SLC2A13: variants seen among roughly 807,000 people sequenced by gnomAD.
SLC2A13 encodes the protein solute carrier family 2 member 13.
Under a neutral mutation model 64.4 loss-of-function variants are expected in SLC2A13, and 32 were observed. The observed-to-expected ratio is 0.50, with a 90% confidence interval of 0.37 to 0.67. The LOEUF (loss-of-function observed/expected upper bound fraction) is 0.67. Among genes scored for constraint, SLC2A13 ranks in the 30% least tolerant of loss-of-function variants. The pLI is 0.00. For synonymous variants in SLC2A13, 338 were observed against 327.1 expected, an observed-to-expected ratio of 1.03 and a Z score of -0.36; for missense variants, 743 against 829.2, an observed-to-expected ratio of 0.90 and a Z score of 1.28.
At chr12:40,071,175 G>A (rs757128003) in intron 1 of SLC2A13, among the ~76,000 whole-genome samples, 15 of 152,062 alleles carry the variant, frequency 9.9e-5, no homozygotes, top group Non-Finnish European at 1.9e-4. Context: ...ACTGATCTAC[G>A]CGTGTCTATT....
At chr12:40,029,210 CCCT>C in intron 2 of SLC2A13, among the ~76,000 whole-genome samples, 1 of 152,072 alleles carries the variant, frequency 6.6e-6, no homozygotes, top group East Asian at 1.9e-4. Flanking sequence ...CATTTTAACT[CCCT>C]CCAAGAAATA....
At chr12:40,064,356 C>T (rs1013427034) in intron 1 of SLC2A13, among the ~76,000 whole-genome samples, 2 of 151,894 alleles carry the variant, frequency 1.3e-5, no homozygotes, top group Non-Finnish European at 2.9e-5. Context: ...AGAAAGTGGA[C>T]TTAACTTTTT....
At chr12:39,860,984 G>C (rs1219019796) in intron 6 of SLC2A13, among the ~76,000 whole-genome samples, 1 of 152,138 alleles carries the variant, frequency 6.6e-6, no homozygotes, top group East Asian at 1.9e-4. Context: ...AAACCTCTGA[G>C]GCTCTACATG....
intron 3 of SLC2A13, among the ~76,000 whole-genome samples, chr12:39,980,678 T>A (rs1426534000): frequency 6.6e-6 from 1 of 150,946 alleles, no homozygotes; most frequent in Non-Finnish European, 1.5e-5. Flanking sequence ...ATAAAGCAAG[T>A]CCTGAGTGAC....
chr12:39,867,480 A>T (rs1299070298), intron 5 of SLC2A13, among the ~76,000 whole-genome samples: 1 of 152,168 alleles, frequency 6.6e-6, no homozygotes, highest in Admixed American at 6.5e-5. Flanking sequence ...AAAAACAAAA[A>T]AAAAACTGTT....
intron 9 of SLC2A13, among the ~76,000 whole-genome samples, chr12:39,761,460 A>G (rs1375998206): frequency 6.6e-6 from 1 of 152,098 alleles, no homozygotes; most frequent in East Asian, 1.9e-4. Context: ...AATTCTGAAT[A>G]TCAGTTGCTC....
At chr12:39,790,294 T>C (rs1448185088) in intron 7 of SLC2A13, among the ~76,000 whole-genome samples, 1 of 151,572 alleles carries the variant, frequency 6.6e-6, no homozygotes, top group East Asian at 1.9e-4. Context: ...TATGTATACA[T>C]GTGCTGTGCT....
At chr12:39,951,646 G>A (rs935176829) in intron 3 of SLC2A13, among the ~76,000 whole-genome samples, 1 of 152,196 alleles carries the variant, frequency 6.6e-6, no homozygotes, top group Non-Finnish European at 1.5e-5. Context: ...AACTAAAACT[G>A]TCAAATTAGT....
At chr12:39,902,287 A>G (rs1343026548) in intron 4 of SLC2A13, among the ~76,000 whole-genome samples, 1 of 151,962 alleles carries the variant, frequency 6.6e-6, no homozygotes, top group Non-Finnish European at 1.5e-5. Context: ...ACATGTATAC[A>G]TATGTAACTA....
intron 1 of SLC2A13, among the ~76,000 whole-genome samples, chr12:40,101,838 T>G (rs958119815): frequency 2.6e-5 from 4 of 151,998 alleles, no homozygotes; most frequent in African/African-American, 9.7e-5. Flanking sequence ...TTTTTTTTTT[T>G]AATCCTGTCT....
chr12:40,034,039 A>G (rs548954515), intron 2 of SLC2A13, among the ~76,000 whole-genome samples: 2 of 152,294 alleles, frequency 1.3e-5, no homozygotes, highest in African/African-American at 4.8e-5. Context: ...AAAGTTGCCA[A>G]TGCCTTACAC....
intron 3 of SLC2A13, among the ~76,000 whole-genome samples, chr12:40,011,659 C>A (rs957160625): frequency 6.6e-6 from 1 of 152,146 alleles, no homozygotes; most frequent in African/African-American, 2.4e-5. Flanking sequence ...CTCCCCGTCT[C>A]CTCCCTCTAG....
chr12:40,088,162 C>T (rs1938646509), intron 1 of SLC2A13, among the ~76,000 whole-genome samples: 1 of 152,082 alleles, frequency 6.6e-6, no homozygotes, highest in Admixed American at 6.5e-5. Context: ...TTCTTTAAGA[C>T]ATAAAGCTCA....
chr12:39,772,403 C>T (rs1181291015), intron 7 of SLC2A13, among the ~76,000 whole-genome samples: 3 of 152,152 alleles, frequency 2.0e-5, no homozygotes, highest in African/African-American at 7.2e-5. Flanking sequence ...GAATAATCAC[C>T]GTGCTATTTT....
intron 7 of SLC2A13, among the ~76,000 whole-genome samples, chr12:39,811,497 A>G (rs1244349255): frequency 2.6e-5 from 4 of 152,104 alleles, no homozygotes; most frequent in Non-Finnish European, 4.4e-5. Flanking sequence ...CGTTCTTGAT[A>G]TGTTATAATT....
chr12:40,021,302 C>T (rs1486506303), intron 3 of SLC2A13, among the ~76,000 whole-genome samples: 1 of 152,098 alleles, frequency 6.6e-6, no homozygotes, highest in African/African-American at 2.4e-5. Flanking sequence ...AAGAATGATT[C>T]CAATTCTGCA....
chr12:39,896,748 T>C (rs974567400), intron 4 of SLC2A13, among the ~76,000 whole-genome samples: 2 of 152,002 alleles, frequency 1.3e-5, no homozygotes, highest in Non-Finnish European at 2.9e-5. Flanking sequence ...ATCTTGCAGT[T>C]TCTATTATAT....
intron 7 of SLC2A13, among the ~76,000 whole-genome samples, chr12:39,826,260 T>G (rs1463513375): frequency 5.3e-5 from 8 of 151,954 alleles, no homozygotes; most frequent in Non-Finnish European, 1.0e-4. Context: ...TTGTTTTTGT[T>G]TTTTTGACTT....
intron 3 of SLC2A13, among the ~76,000 whole-genome samples, chr12:40,010,444 C>CT (rs954385000): frequency 2.6e-5 from 4 of 150,980 alleles, no homozygotes; most frequent in Admixed American, 6.6e-5. Flanking sequence ...GTAGGTAAGG[C>CT]TTTTTTTTTC....
Sources: gnomAD v4.1 joint callset for allele counts (sites outside exome capture counted in the v4.1 genomes callset) on GRCh38, gnomAD v4.1.1 for gene constraint, MANE v1.5 for transcripts, NCBI Gene and HGNC (gene_info 2026-07-23, HGNC 2026-07-21) for gene names.